The following OAS3 variants were observed in gnomAD, a reference collection of about 807,000 sequenced individuals.
The protein encoded by OAS3 is 2'-5'-oligoadenylate synthase 3.
OAS3 carries 107 observed loss-of-function variants against 113.0 expected under a neutral mutation model. The observed-to-expected ratio is 0.95, with a 90% CI of 0.81 to 1.11. The LOEUF (loss-of-function observed/expected upper bound fraction) is 1.11, where lower values mean the gene tolerates loss of function less well. OAS3 is among the 50% of genes most tolerant of loss of function. The probability of loss-of-function intolerance (pLI) is 0.00; values close to 1 mark genes in which losing one functional copy is unlikely to be tolerated. For synonymous variants in OAS3, 552 were observed against 573.6 expected (o/e 0.96, Z 0.54); for missense variants, 1,258 against 1,389.1 (o/e 0.91, Z 1.50).
At chr12:112,966,469 C>T (rs2043935238) in intron 12 of OAS3, among the ~76,000 whole-genome samples, 1 of 152,200 alleles carries the variant, frequency 6.6e-6, no homozygotes, top group South Asian at 2.1e-4. Flanking sequence ...CTACTCTGTG[C>T]CCAGTGCTCT....
intron 3 of OAS3, among the ~76,000 whole-genome samples, chr12:112,946,532 C>T (rs983047554): frequency 1.3e-5 from 2 of 152,176 alleles, no homozygotes; most frequent in Admixed American, 6.5e-5. Flanking sequence ...ACACCCCTCC[C>T]TCCCACCACT....
intron 7 of OAS3, among the ~76,000 whole-genome samples, chr12:112,956,535 T>C (rs911720004): frequency 6.6e-6 from 1 of 152,260 alleles, no homozygotes; most frequent in Non-Finnish European, 1.5e-5. Context: ...TGGTATGTTG[T>C]GTCTTTGTTC....
rs1593187915 is a variant in OAS3, at chr12:112,970,098, G to A, written c.*125G>A. The A allele has an allele frequency of 9.2e-7, 1 of 1,088,056 alleles. No homozygotes were observed. Among genetic ancestry groups the A allele is most frequent in the Non-Finnish European group, 1.4e-6 (1 of 725,100 alleles). The allele number at this position is 1,088,056 out of a possible 1,614,324, so 67.4% of individuals were successfully genotyped here. On this transcript the variant is annotated 3_prime_UTR_variant, in exon 16 of 16. Coordinates refer to ENST00000228928, the MANE Select transcript of OAS3 (RefSeq NM_006187.4). ...TACATGTGTGTGTGAGCACATGTGT[G>A]CATGTGTGTGCACACGTGTGCATGT...
intron 11 of OAS3, 47 bp downstream of exon 11, chr12:112,964,455 GA>G: frequency 6.4e-7 from 1 of 1,574,436 alleles, no homozygotes; most frequent in Non-Finnish European, 8.7e-7. Context: ...GCAAGCTGGT[GA>G]TCTCTCCCAG....
At chr12:112,950,580 ACATCAGCAAGAGGGCAGGTTC>A in intron 6 of OAS3, 92 bp from the exon 7 acceptor site, 4 of 1,236,818 alleles carry the variant, frequency 3.2e-6, no homozygotes, top group Non-Finnish European at 4.6e-6. Context: ...CCCAGACCTG[ACATCAGCAAGAGGGCAGGTTC>A]CAGGCTGTAG....
rs552995320 is a variant in OAS3, at chr12:112,955,596, G to A, written c.1657+4621G>A. ...AAATAATCATGTGGTTTTTGTCTTT[G>A]GTTCTGCTTTTATGATGGATTACGT... is the stretch of plus-strand genomic sequence containing the variant. On this transcript the variant is annotated intron_variant, in intron 7 of 15. Transcript: ENST00000228928. Among the ~76,000 whole-genome samples, 7 of 152,256 alleles carry A rather than the reference G, an allele frequency of 4.6e-5. No homozygotes were observed. The South Asian group carries it at 1.5e-3, about 32-fold the overall frequency.
At chr12:112,939,405 C>T (rs2043660272) in intron 1 of OAS3, among the ~76,000 whole-genome samples, 1 of 149,078 alleles carries the variant, frequency 6.7e-6, no homozygotes, top group African/African-American at 2.5e-5. Flanking sequence ...CAGCAACCTC[C>T]GCCTCCTGGG....
chr12:112,963,471 T>C lies in OAS3; in HGVS notation c.2229+14T>C. 1 of 1,519,024 alleles carries C rather than the reference T, an allele frequency of 6.6e-7. No homozygotes were observed. The highest frequency in any genetic ancestry group is 8.9e-7 in the Non-Finnish European group (1 of 1,127,708). 94.1% of individuals were successfully genotyped at this position (1,519,024 alleles called of 1,614,324 possible). On this transcript the variant is annotated intron_variant, in intron 10 of 15. Transcript: ENST00000228928. This position sits in a 1 kb window ranked among gnomAD's most constrained non-coding sequence, Gnocchi z 4.6. ...TGGGATGTGATGGTAAGATGGAGGG[T>C]CCTGGGGGGCAGGGGGCCCTGCACC... is the stretch of plus-strand genomic sequence containing the variant.
chr12:112,944,787 A>G, intron 3 of OAS3, 136 bp downstream of exon 3: 6 of 927,422 alleles, frequency 6.5e-6, no homozygotes, highest in Non-Finnish European at 8.4e-6. Context: ...TCCCTTGTGC[A>G]TTATTTTCTC....
At chr12:112,965,110 G>A (rs2043922357) in intron 11 of OAS3, among the ~76,000 whole-genome samples, 2 of 152,214 alleles carry the variant, frequency 1.3e-5, no homozygotes, top group Admixed American at 1.3e-4. Flanking sequence ...TACAGCCTCA[G>A]TCCACAGTTG....
At chr12:112,946,359 C>A (rs1009075359) in intron 3 of OAS3, among the ~76,000 whole-genome samples, 1 of 152,134 alleles carries the variant, frequency 6.6e-6, no homozygotes, top group African/African-American at 2.4e-5. Flanking sequence ...CGCTGCCCCA[C>A]CCCACTCCAG....
rs778235979 is a variant in OAS3, at chr12:112,941,859, G to T, written c.460+7G>T. The T allele has an allele frequency of 6.2e-7, 1 of 1,613,998 alleles. No individual in the cohort carries two copies. Among genetic ancestry groups the T allele is most frequent in the Non-Finnish European group, 8.5e-7 (1 of 1,179,876 alleles). ...CCTGCCTTCAATGTCCTGGGTGAGG[G>T]GTTCCTAGACCATTCCAGGGTTGGG... On this transcript the variant is annotated splice_region_variant and intron_variant, in intron 2 of 15. Transcript: ENST00000228928.
chr12:112,944,814 G>A, intron 3 of OAS3, 163 bp downstream of exon 3: 1 of 738,088 alleles, frequency 1.4e-6, no homozygotes, highest in Non-Finnish European at 2.3e-6. Flanking sequence ...TAGCTGTCTT[G>A]TTACTGATTT....
In OAS3 at chr12:112,970,104, G is replaced by A. The variant is rs2043971681; in HGVS notation, c.*131G>A. The stretch of plus-strand genomic sequence containing the variant: ...TGTGTGTGAGCACATGTGTGCATGT[G>A]TGTGCACACGTGTGCATGTGTGTGT... On this transcript the variant is annotated 3_prime_UTR_variant, in exon 16 of 16. Coordinates refer to ENST00000228928, the MANE Select transcript of OAS3 (RefSeq NM_006187.4). 2 of 968,400 alleles carry A rather than the reference G, an allele frequency of 2.1e-6. No homozygotes were observed. Among genetic ancestry groups the A allele is most frequent in the Non-Finnish European group, 3.2e-6 (2 of 620,240 alleles). The allele number at this position is 968,400 out of a possible 1,614,324, so 60.0% of individuals were successfully genotyped here. A position where few individuals can be genotyped will look rare whatever the true frequency, so the allele number is the denominator to read the frequency against.
At chr12:112,958,308 G>A (rs2043853360) in intron 7 of OAS3, among the ~76,000 whole-genome samples, 1 of 152,240 alleles carries the variant, frequency 6.6e-6, no homozygotes, top group Non-Finnish European at 1.5e-5. Context: ...GGAGAAGTTT[G>A]TTATTACCAA....
At position 112,967,613 on chromosome 12, in the gene OAS3, C is replaced by T. The variant is rs2043947592; in HGVS notation, c.2865+20C>T. ...CAGCAGGTTCGGCACATGGATAGGC[C>T]ACCTTCCTAAGTTGCCCTGGGATCT... On this transcript the variant is annotated intron_variant, in intron 13 of 15. Transcript: ENST00000228928. The T allele has an allele frequency of 6.2e-7, 1 of 1,607,194 alleles. No individual in the cohort carries two copies. Among genetic ancestry groups the T allele is most frequent in the Non-Finnish European group, 8.5e-7 (1 of 1,176,190 alleles).
In OAS3 at chr12:112,950,961, C is replaced by A; in HGVS notation, c.1643C>A (p.Ala548Asp). The A allele has an allele frequency of 6.2e-7, 1 of 1,612,952 alleles. No homozygotes were observed. Residue 548 changes from alanine (A) to aspartate (D), a missense_variant, in exon 7 of 16, where the codon GCC (alanine) becomes GAC (aspartate). Physicochemically the swap from Ala to Asp is moderately radical, Grantham distance 126. Coordinates refer to ENST00000228928, the MANE Select transcript of OAS3 (RefSeq NM_006187.4). ...KSWTDVSLLPAFDAVGQLSSG... is the reference protein window; with the variant it reads ...KSWTDVSLLPDFDAVGQLSSG... ...TGGACGGATGTTAGCCTGCTGCCTG[C>A]CTTCGATGCTGTGGGTGAGGGCGCC...
chr12:112,945,168 C>T lies in OAS3; in HGVS notation c.636+517C>T, dbSNP rs984051796. 46 of 200,432 alleles carry T rather than the reference C, an allele frequency of 2.3e-4. 1 individual carries two copies. The highest frequency in any genetic ancestry group is 1.8e-4 in the Non-Finnish European group (17 of 96,194). 12.4% of individuals were successfully genotyped at this position (200,432 alleles called of 1,614,324 possible). A position where few individuals can be genotyped will look rare whatever the true frequency, so the allele number is the denominator to read the frequency against. On this transcript the variant is annotated intron_variant, in intron 3 of 15. Coordinates refer to ENST00000228928, the MANE Select transcript of OAS3 (RefSeq NM_006187.4). ...CTCTACTAAAAATACAAAATGTAGC[C>T]GGGCGTGGTGGTACACACCTGTAAT...
Position 112,948,902 on chromosome 12 carries a change from C to T in OAS3, c.1071C>T (p.Ile357=), listed in dbSNP as rs991157278. The T allele has an allele frequency of 6.2e-7, 1 of 1,601,462 alleles. No homozygotes were observed. Among genetic ancestry groups the T allele is most frequent in the Non-Finnish European group, 8.5e-7 (1 of 1,173,844 alleles). The change falls in exon 6 of 16, where the codon ATC becomes ATT. Residue 357 remains isoleucine, a synonymous_variant. Coordinates refer to ENST00000228928, the MANE Select transcript of OAS3 (RefSeq NM_006187.4). ...RAGCSGLGHP[I]QLDPNQKTPE... ...GATGCTCAGGTTTGGGCCACCCCAT[C>T]CAGCTAGACCCTAACCAGAAGACCC...
Sources: gnomAD v4.1 joint callset for allele counts (sites outside exome capture counted in the v4.1 genomes callset) on GRCh38, gnomAD v4.1.1 for gene constraint, Gnocchi (gnomAD v3.1) non-coding constraint, MANE v1.5 for transcripts, NCBI Gene and HGNC (gene_info 2026-07-23, HGNC 2026-07-21) for gene names.